The following LIMCH1 variants were observed in gnomAD, a reference collection of about 807,000 sequenced individuals.
The protein encoded by LIMCH1 is LIM and calponin homology domains-containing protein 1.
A neutral mutation model predicts 176.5 loss-of-function variants in LIMCH1; 113 were observed. The observed-to-expected ratio is 0.64, with a 90% confidence interval of 0.55 to 0.75. The LOEUF (loss-of-function observed/expected upper bound fraction) is 0.75, where lower values mean the gene tolerates loss of function less well. Ranked by LOEUF, LIMCH1 falls within the 30% of genes least tolerant of loss-of-function variation. The pLI is 0.00. For missense variants in LIMCH1, 1,674 were observed against 1,814.9 expected (o/e 0.92, Z 1.41); for synonymous variants, 619 against 645.9 (o/e 0.96, Z 0.63).
intron 1 of LIMCH1, among the ~76,000 whole-genome samples, chr4:41,364,344 A>G (rs1272500342): frequency 6.6e-6 from 1 of 151,442 alleles, no homozygotes; most frequent in Admixed American, 6.6e-5. Context: ...TATTATCATT[A>G]TGATAATTAT....
intron 20 of LIMCH1, among the ~76,000 whole-genome samples, chr4:41,665,270 T>C (rs1299456535): frequency 1.3e-5 from 2 of 152,220 alleles, no homozygotes; most frequent in African/African-American, 2.4e-5. Context: ...GACCCTTAAC[T>C]GTTTCATTTA....
chr4:41,502,935 A>ACACACACACACACACACG (rs1202252006), intron 2 of LIMCH1, among the ~76,000 whole-genome samples: 1 of 151,750 alleles, frequency 6.6e-6, no homozygotes, highest in African/African-American at 2.4e-5. Context: ...ACACACACAC[A>ACACACACACACACACACG]CACCCCAGGT....
At chr4:41,505,506 G>A (rs2074033383) in intron 2 of LIMCH1, among the ~76,000 whole-genome samples, 1 of 152,082 alleles carries the variant, frequency 6.6e-6, no homozygotes, top group Non-Finnish European at 1.5e-5. Context: ...CAGAGCTTGG[G>A]GACTAGAGTG....
chr4:41,649,472 C>G (rs534947490), intron 17 of LIMCH1, among the ~76,000 whole-genome samples: 1 of 152,204 alleles, frequency 6.6e-6, no homozygotes, highest in Non-Finnish European at 1.5e-5. Context: ...TAAAATGTGT[C>G]AGGTACTGTT....
chr4:41,528,522 T>C (rs768387294), intron 3 of LIMCH1, among the ~76,000 whole-genome samples: 5 of 152,194 alleles, frequency 3.3e-5, no homozygotes, highest in South Asian at 2.1e-4. Flanking sequence ...CAAATATTCA[T>C]GACAGTCAGG....
intron 1 of LIMCH1, among the ~76,000 whole-genome samples, chr4:41,376,009 A>G (rs1250686763): frequency 6.6e-6 from 1 of 152,220 alleles, no homozygotes; most frequent in Non-Finnish European, 1.5e-5. Flanking sequence ...GTATGTAGAA[A>G]ATATGTTTTT....
At chr4:41,558,373 CTAAA>C (rs1421119774) in intron 1 of LIMCH1, among the ~76,000 whole-genome samples, 2 of 152,158 alleles carry the variant, frequency 1.3e-5, no homozygotes, top group African/African-American at 4.8e-5. Context: ...AAGCCACTGG[CTAAA>C]TGAATGGTTT....
intron 1 of LIMCH1, among the ~76,000 whole-genome samples, chr4:41,555,309 A>C (rs551330836): frequency 6.6e-6 from 1 of 152,330 alleles, no homozygotes; most frequent in South Asian, 2.1e-4. Flanking sequence ...GATTTTAGGC[A>C]AAAGAGCATG....
At chr4:41,605,601 G>T (rs1044685293) in intron 3 of LIMCH1, among the ~76,000 whole-genome samples, 1 of 152,074 alleles carries the variant, frequency 6.6e-6, no homozygotes, top group Non-Finnish European at 1.5e-5. Flanking sequence ...AGATAATGTG[G>T]GTAGATTCAT....
chr4:41,657,417 T>C (rs2094494428), intron 18 of LIMCH1, among the ~76,000 whole-genome samples: 1 of 152,182 alleles, frequency 6.6e-6, no homozygotes, highest in East Asian at 1.9e-4. Flanking sequence ...CAGGATGGAG[T>C]ATCCAGACAT....
chr4:41,592,485 C>T (rs1001291696), intron 1 of LIMCH1, among the ~76,000 whole-genome samples: 3 of 151,934 alleles, frequency 2.0e-5, no homozygotes, highest in African/African-American at 7.3e-5. Context: ...TTGCCATCTC[C>T]TATGTAACTG....
At chr4:41,593,935 C>A (rs1301399936) in intron 1 of LIMCH1, among the ~76,000 whole-genome samples, 5 of 152,202 alleles carry the variant, frequency 3.3e-5, no homozygotes, top group Non-Finnish European at 7.3e-5. Flanking sequence ...CGCAACCTCT[C>A]TCTCTCTCCC....
chr4:41,622,800 A>G (rs1440770054), intron 7 of LIMCH1, among the ~76,000 whole-genome samples: 1 of 152,162 alleles, frequency 6.6e-6, no homozygotes, highest in African/African-American at 2.4e-5. Context: ...AACCTATTTC[A>G]TCCAAGTTAG....
intron 20 of LIMCH1, among the ~76,000 whole-genome samples, chr4:41,666,340 A>T (rs988212499): frequency 3.3e-5 from 5 of 152,238 alleles, no homozygotes; most frequent in Non-Finnish European, 7.3e-5. Context: ...TTACGTTTTT[A>T]CGCTCATGTT....
At chr4:41,443,192 CTTTTTTTTTTTTT>C (rs916559501) in intron 1 of LIMCH1, among the ~76,000 whole-genome samples, 3 of 39,676 alleles carry the variant, frequency 7.6e-5, no homozygotes, top group African/African-American at 2.0e-4. Context: ...TGTTTTTTTT[CTTTTTTTTTTTTT>C]TTTTTTTTTT....
chr4:41,418,313 T>C (rs1055907694), intron 1 of LIMCH1, among the ~76,000 whole-genome samples: 3 of 152,252 alleles, frequency 2.0e-5, no homozygotes, highest in Admixed American at 2.0e-4. Context: ...ATGGAAGTTG[T>C]AAATTTTAAT....
intron 4 of LIMCH1, among the ~76,000 whole-genome samples, chr4:41,608,223 C>T (rs566134438): frequency 6.6e-6 from 1 of 152,254 alleles, no homozygotes; most frequent in Non-Finnish European, 1.5e-5. Context: ...CCACATTCAG[C>T]CAAGAAAAGG....
At chr4:41,549,798 A>G in intron 1 of LIMCH1, among the ~76,000 whole-genome samples, 1 of 152,098 alleles carries the variant, frequency 6.6e-6, no homozygotes, top group East Asian at 1.9e-4. Flanking sequence ...TTAAGCATAT[A>G]AGATAGAAAT....
chr4:41,559,069 A>T (rs2152545020), intron 1 of LIMCH1, among the ~76,000 whole-genome samples: 1 of 152,276 alleles, frequency 6.6e-6, no homozygotes, highest in South Asian at 2.1e-4. Flanking sequence ...GGTTTGGCAG[A>T]TTAATTTGGC....
Sources: allele counts gnomAD v4.1 joint callset (sites outside exome capture counted in the v4.1 genomes callset), GRCh38; gene constraint gnomAD v4.1.1; transcripts MANE v1.5; gene names NCBI Gene and HGNC (gene_info 2026-07-23, HGNC 2026-07-21).